The following KCNN1 variants were observed in gnomAD, a reference collection of about 807,000 sequenced individuals.
KCNN1 encodes the protein small conductance calcium-activated potassium channel protein 1.
Under a neutral mutation model 44.7 loss-of-function variants are expected in KCNN1, and 20 were observed. The observed-to-expected ratio is 0.45, with a 90% CI of 0.32 to 0.65. The LOEUF (loss-of-function observed/expected upper bound fraction) is 0.65, where lower values mean the gene tolerates loss of function less well. Among genes scored for constraint, KCNN1 ranks in the 30% least tolerant of loss-of-function variants. KCNN1 has a pLI of 0.05. For missense variants in KCNN1, 632 were observed against 785.3 expected, an observed-to-expected ratio of 0.80 and a Z score of 2.33; for synonymous variants, 324 against 341.7, an observed-to-expected ratio of 0.95 and a Z score of 0.57.
chr19:17,984,444 C>T (rs904878698), intron 4 of KCNN1, among the ~76,000 whole-genome samples: 1 of 152,082 alleles, frequency 6.6e-6, no homozygotes, highest in Non-Finnish European at 1.5e-5. Context: ...CCTTGAACAC[C>T]CCAGAGGCTG....
chr19:17,952,200 C>T (rs916653300), intron 1 of KCNN1: 25 of 152,056 alleles, frequency 1.6e-4, no homozygotes, highest in Admixed American at 1.6e-3. Flanking sequence ...GGGGCGGGGC[C>T]CAGGTCGGCG....
intron 9 of KCNN1, among the ~76,000 whole-genome samples, chr19:17,995,876 G>A (rs2032971133): frequency 6.6e-6 from 1 of 152,128 alleles, no homozygotes; most frequent in African/African-American, 2.4e-5. Flanking sequence ...ATAAGCCACT[G>A]TGCCCGGCCT....
At chr19:17,968,095 G>A (rs1331132687) in intron 1 of KCNN1, among the ~76,000 whole-genome samples, 2 of 137,844 alleles carry the variant, frequency 1.5e-5, no homozygotes, top group Non-Finnish European at 3.1e-5. Flanking sequence ...GAGGGGTGGG[G>A]GTGGTGGCGG....
chr19:17,977,985 G>T (rs563401197), intron 3 of KCNN1, among the ~76,000 whole-genome samples: 1 of 152,078 alleles, frequency 6.6e-6, no homozygotes, highest in Non-Finnish European at 1.5e-5. Context: ...GGAAAGGAGC[G>T]ACTGCTAATG....
intron 1 of KCNN1, among the ~76,000 whole-genome samples, chr19:17,970,289 ATTT>A (rs71164333): frequency 3.5e-4 from 20 of 56,888 alleles, no homozygotes; most frequent in South Asian, 6.6e-4. Context: ...AGAAGGAATG[ATTT>A]TTTTTTTTTT....
At chr19:17,978,361 G>A (rs10406891) in intron 3 of KCNN1, among the ~76,000 whole-genome samples, 134 of 149,466 alleles carry the variant, frequency 9.0e-4, no homozygotes, top group African/African-American at 3.2e-3. Flanking sequence ...TCCTGACCTC[G>A]TGTTCCACCC....
chr19:17,951,978 C>T (rs1404742106), intron 1 of KCNN1, among the ~76,000 whole-genome samples: 1 of 152,248 alleles, frequency 6.6e-6, no homozygotes, highest in Non-Finnish European at 1.5e-5. Flanking sequence ...GGGCCAGAGG[C>T]GGCAGAGGGT....
chr19:17,987,836 CAA>C (rs973068020), intron 5 of KCNN1, among the ~76,000 whole-genome samples: 47 of 54,578 alleles, frequency 8.6e-4, no homozygotes, highest in African/African-American at 2.6e-3. Flanking sequence ...ATATCGCTAC[CAA>C]AAAAAAAAAA....
rs934105069 is a variant in KCNN1 at position 17,983,760 on chromosome 19, G to T, written c.918-1552G>T. Among the ~76,000 whole-genome samples the T allele has an allele frequency of 6.6e-6, 1 of 151,504 alleles. No individual in the cohort carries two copies. Among genetic ancestry groups the T allele is most frequent in the Admixed American group, 6.6e-5 (1 of 15,192 alleles). Reference sequence around the variant, plus strand: ...CCGCGGCACCCCCCACCATCGCTCCGTCTGGATCTGGGGCTCACCCACCCA... The same window carrying T: ...CCGCGGCACCCCCCACCATCGCTCCTTCTGGATCTGGGGCTCACCCACCCA... On this transcript the variant is annotated intron_variant, in intron 4 of 9. Coordinates refer to ENST00000684775, the MANE Select transcript of KCNN1 (RefSeq NM_001386974.1). The surrounding 1 kb of genome is among the most constrained non-coding windows in gnomAD (Gnocchi z 4.5).
chr19:17,985,839 T>A (rs1411835848), intron 5 of KCNN1, among the ~76,000 whole-genome samples: 1 of 152,246 alleles, frequency 6.6e-6, no homozygotes, highest in African/African-American at 2.4e-5. Flanking sequence ...CTTAGTTTCC[T>A]CAGCTGTGAC....
At chr19:17,976,166 G>T (rs1009155077) in intron 3 of KCNN1, among the ~76,000 whole-genome samples, 1 of 151,982 alleles carries the variant, frequency 6.6e-6, no homozygotes, top group African/African-American at 2.4e-5. Flanking sequence ...AATTAGCCAG[G>T]CATGATATCG....
chr19:17,985,492 C>T (rs1175204133), intron 5 of KCNN1, 39 bp downstream of exon 5: 2 of 1,502,544 alleles, frequency 1.3e-6, no homozygotes, highest in Admixed American at 2.0e-5. Context: ...CTGGGAGGTC[C>T]AGCCAGCTGC....
intron 7 of KCNN1, 27 bp downstream of exon 7, chr19:17,989,870 G>T: frequency 6.2e-7 from 1 of 1,610,806 alleles, no homozygotes; most frequent in South Asian, 1.1e-5. Context: ...TCCAGCTCAC[G>T]TTTCTGTGTC....
intron 2 of KCNN1, among the ~76,000 whole-genome samples, chr19:17,955,039 A>AG (rs2031507997): frequency 7.3e-6 from 1 of 137,424 alleles, no homozygotes; most frequent in Non-Finnish European, 1.6e-5. Context: ...CTCTGTTTCA[A>AG]AAAAAAAAAA....
chr19:17,992,937 C>A, intron 7 of KCNN1, 117 bp from the exon 8 acceptor site: 2 of 1,335,930 alleles, frequency 1.5e-6, no homozygotes, highest in Non-Finnish European at 2.1e-6. Flanking sequence ...GGGAACCCCG[C>A]GCGGGGCCCT....
chr19:17,996,274 C>A (rs2145980172), intron 9 of KCNN1, among the ~76,000 whole-genome samples: 1 of 151,980 alleles, frequency 6.6e-6, no homozygotes, highest in South Asian at 2.1e-4. Context: ...CCACTGCACT[C>A]CAGTCTGGGA....
intron 9 of KCNN1, among the ~76,000 whole-genome samples, chr19:17,997,732 G>A (rs1469772805): frequency 1.3e-5 from 2 of 151,916 alleles, no homozygotes; most frequent in Non-Finnish European, 2.9e-5. Flanking sequence ...CGCCTGCCTC[G>A]GCCTCCCAAA....
At position 17,974,163 on chromosome 19, in the gene KCNN1, G is replaced by A. The variant is rs944927086; in HGVS notation, c.275G>A (p.Arg92His). 5.0e-6 allele frequency: 8 copies of A among 1,613,664 alleles called. No individual in the cohort carries two copies. The highest frequency in any genetic ancestry group is 5.9e-6 in the Non-Finnish European group (7 of 1,179,876). ...GGGAAACCCTCAAATGTGGGCCACC[G>A]CCTGGGCCACCGGCGGGCGCTCTTC... is the stretch of plus-strand genomic sequence containing the variant. Reference protein sequence around the residue: ...ASGKPSNVGHRLGHRRALFEK... With the variant: ...ASGKPSNVGHHLGHRRALFEK... The change falls in exon 2 of 10, where the codon CGC (arginine) becomes CAC (histidine). Residue 92 changes from arginine to histidine, a missense_variant. Physicochemically the swap from Arg to His is conservative, Grantham distance 29. Coordinates refer to ENST00000684775, the MANE Select transcript of KCNN1 (RefSeq NM_001386974.1). This position sits in a 1 kb window ranked among gnomAD's most constrained non-coding sequence, Gnocchi z 7.3.
upstream of KCNN1, among the ~76,000 whole-genome samples, chr19:17,962,683 G>A (rs893499769): frequency 2.0e-5 from 3 of 151,888 alleles, no homozygotes; most frequent in East Asian, 1.9e-4. Flanking sequence ...CCAGGAGCCC[G>A]AGGGAGCCAA....
Sources: allele counts gnomAD v4.1 joint callset (sites outside exome capture counted in the v4.1 genomes callset), GRCh38; gene constraint gnomAD v4.1.1; non-coding constraint Gnocchi (gnomAD v3.1); transcripts MANE v1.5; gene names NCBI Gene and HGNC (gene_info 2026-07-23, HGNC 2026-07-21).